The following BOD1L1 variants were observed in gnomAD, a reference collection of about 807,000 sequenced individuals.
The protein encoded by BOD1L1 is biorientation of chromosomes in cell division protein 1-like 1.
Under a neutral mutation model 240.7 loss-of-function variants are expected in BOD1L1, and 86 were observed. The ratio of observed to expected loss-of-function variants is 0.36; its 90% CI spans 0.30 to 0.43. The LOEUF (loss-of-function observed/expected upper bound fraction) is 0.43. Ranked by LOEUF, BOD1L1 falls within the 20% of genes least tolerant of loss-of-function variation. The pLI is 1.00. For synonymous variants in BOD1L1, 1,268 were observed against 1,272.3 expected (o/e 1.00, Z 0.07); for missense variants, 3,554 against 3,643.5 (o/e 0.98, Z 0.63).
At position 13,588,756 on chromosome 4, in the gene BOD1L1, A is replaced by G. The variant is rs140964488; in HGVS notation, c.8246T>C (p.Ile2749Thr). 1.3e-3 allele frequency: 2,066 copies of G among 1,605,530 alleles called. 11 individuals are homozygous for G. The highest frequency in any genetic ancestry group is 3.2e-3 in the South Asian group (282 of 89,298). ...SSGRKDNAEA[I>T]SGHSVEADPK... ...ATCTGCTTCAACACTGTGACCGCTT[A>G]TGGCTTCTGCGTTGTCTTTTCTACC... Residue 2749 changes from isoleucine (I) to threonine (T), a missense_variant, in exon 15 of 26, where the codon ATA (isoleucine) becomes ACA (threonine). By Grantham distance (89) the Ile-to-Thr change is moderately conservative. Around this residue, in one of 2 missense-constraint regions of BOD1L1, gnomAD observed 3,393 missense variants for 3,427.1 expected, o/e 0.99. Transcript: ENST00000040738.
chr4:13,593,496 G>A (rs1376990430), intron 12 of BOD1L1: 1 of 152,016 alleles, frequency 6.6e-6, no homozygotes. Context: ...ACTGAAGGTG[G>A]TTACTCATAG....
chr4:13,603,964 G>A lies in BOD1L1; in HGVS notation c.2936C>T (p.Ser979Phe), dbSNP rs1577356013. 2.5e-6 allele frequency: 4 copies of A among 1,613,806 alleles called. No homozygotes were observed. Among genetic ancestry groups the A allele is most frequent in the African/African-American group, 1.3e-5 (1 of 74,920 alleles). The change falls in exon 10 of 26, where the codon TCT becomes TTT. Residue 979 changes from serine (S) to phenylalanine (F), a missense_variant. Ser to Phe is a radical substitution (Grantham distance 155, BLOSUM62 -2). Coordinates refer to ENST00000040738, the MANE Select transcript of BOD1L1 (RefSeq NM_148894.3). ...ATCCTTCTGTGTACTATGTGCTGAA[G>A]AAGAAGCAGTCTCTAATACAGGTTC... Reference protein sequence around the residue: ...GVEPVLETASSSAHSTQKDSS... With the variant: ...GVEPVLETASFSAHSTQKDSS...
At chr4:13,586,355 AC>A in intron 17 of BOD1L1, 40 bp downstream of exon 17, 1 of 1,359,796 alleles carries the variant, frequency 7.4e-7, no homozygotes, top group Non-Finnish European at 1.0e-6. Context: ...AGGCCTCCCT[AC>A]CCCCACCCAA....
chr4:13,579,748 G>T (rs1158577204), intron 22 of BOD1L1, among the ~76,000 whole-genome samples, 180 bp downstream of exon 22: 1 of 152,054 alleles, frequency 6.6e-6, no homozygotes, highest in Non-Finnish European at 1.5e-5. Context: ...TTCAATTCTT[G>T]AGTCCTGGGC....
At chr4:13,616,108 C>T (rs35407495) in intron 2 of BOD1L1, among the ~76,000 whole-genome samples, 19,189 of 152,214 alleles carry the variant, frequency 0.13, 1,527 homozygotes, top group Non-Finnish European at 0.18. Context: ...TCAACAATTA[C>T]GTTATAAGTG....
intron 12 of BOD1L1, among the ~76,000 whole-genome samples, chr4:13,593,828 C>CTTTCCCA (rs1714406070): frequency 6.6e-6 from 1 of 152,204 alleles, no homozygotes; most frequent in African/African-American, 2.4e-5. Context: ...CCTCCTGGCA[C>CTTTCCCA]CTTTCCCAAG....
chr4:13,614,874 A>G (rs1716463402), intron 3 of BOD1L1, 64 bp from the exon 4 acceptor site: 5 of 1,443,494 alleles, frequency 3.5e-6, no homozygotes, highest in Non-Finnish European at 3.7e-6. Flanking sequence ...TGCTAAATCA[A>G]TACCACATGC....
At chr4:13,570,231 AG>A (rs1204682836) in intron 25 of BOD1L1, 103 bp from the exon 26 acceptor site, 1 of 791,406 alleles carries the variant, frequency 1.3e-6, no homozygotes, top group Non-Finnish European at 1.9e-6. Flanking sequence ...TTGACAGCTA[AG>A]AAGAGAAAAA....
chr4:13,600,710 C>T lies in BOD1L1; in HGVS notation c.6190G>A (p.Gly2064Ser). 6.2e-7 allele frequency: 1 copy of T among 1,613,824 alleles called. No homozygotes were observed. Among genetic ancestry groups the T allele is most frequent in the Non-Finnish European group, 8.5e-7 (1 of 1,179,866 alleles). The part of the protein sequence containing the change: ...DITNQNSLAG[G>S]KNQGKVLIIS... ...ATCAAAACTTTGCCTTGATTTTTACCCCCTGCTAAGCTATTCTGGTTGGTA... is the reference window on the plus strand; with the variant it reads ...ATCAAAACTTTGCCTTGATTTTTACTCCCTGCTAAGCTATTCTGGTTGGTA... The change falls in exon 10 of 26, where the codon GGT becomes AGT. Residue 2064 changes from glycine to serine, a missense_variant. By Grantham distance (56) the Gly-to-Ser change is moderately conservative. Transcript: ENST00000040738.
intron 9 of BOD1L1, among the ~76,000 whole-genome samples, chr4:13,606,512 AAAT>A (rs1715713290): frequency 6.6e-6 from 1 of 152,208 alleles, no homozygotes; most frequent in African/African-American, 2.4e-5. Context: ...TGTCCCACGA[AAAT>A]AATCCTGAAA....
In BOD1L1 at chr4:13,584,363, TGAGA is replaced by T. The variant is rs534622727; in HGVS notation, c.8434-1631_8434-1628del. Among the ~76,000 whole-genome samples the T allele has an allele frequency of 7.2e-3, 1,087 of 151,034 alleles. 13 individuals are homozygous for T. The highest frequency in any genetic ancestry group is 0.032 in the East Asian group (162 of 5,120). On this transcript the variant is annotated intron_variant, in intron 17 of 25. Coordinates refer to ENST00000040738, the MANE Select transcript of BOD1L1 (RefSeq NM_148894.3). ...CAAGTGCTCTGTGTGTGTGTGTGTG[TGAGA>T]GAGAGAGACAGAGTGTGTGAGATGG...
intron 7 of BOD1L1, 45 bp downstream of exon 7, chr4:13,609,250 G>A: frequency 8.9e-7 from 1 of 1,127,682 alleles, no homozygotes; most frequent in Non-Finnish European, 1.2e-6. Flanking sequence ...AGAAAATAAT[G>A]AAATATATGA....
intron 2 of BOD1L1, among the ~76,000 whole-genome samples, chr4:13,617,688 G>C (rs1716720733): frequency 6.6e-6 from 1 of 152,194 alleles, no homozygotes; most frequent in Admixed American, 6.5e-5. Context: ...TGAGTCAGCA[G>C]ATCAGCTATT....
At chr4:13,617,368 CAAACA>C (rs1251773065) in intron 2 of BOD1L1, among the ~76,000 whole-genome samples, 1 of 151,982 alleles carries the variant, frequency 6.6e-6, no homozygotes, top group African/African-American at 2.4e-5. Context: ...GTTTTGCAAA[CAAACA>C]AAACACTTCT....
chr4:13,627,465 CG>C lies in BOD1L1; in HGVS notation c.122del (p.Ala41GlyfsTer16). 9.3e-7 allele frequency: 1 copy of C among 1,077,556 alleles called. No individual in the cohort carries two copies. The highest frequency in any genetic ancestry group is 3.4e-5 in the South Asian group (1 of 29,082). 66.7% of individuals were successfully genotyped at this position (1,077,556 alleles called of 1,614,324 possible). A position where few individuals can be genotyped will look rare whatever the true frequency, so the allele number is the denominator to read the frequency against. On this transcript the variant is annotated frameshift_variant, in exon 1 of 26. Coordinates refer to ENST00000040738, the MANE Select transcript of BOD1L1 (RefSeq NM_148894.3). LOFTEE classifies it high-confidence loss of function. ...CCCCGGCGCCCGCACCCGCGCCGCC[CG>C]CCCCGCCCGCGCCGGGGCCAGCCCC... Reference protein sequence around the residue: ...GPGAGPGAGGAGGAGAGAGDP... With the variant: ...GPGAGPGAGGXGGAGAGAGDP...
chr4:13,607,149 C>T lies in BOD1L1; in HGVS notation c.1783G>A (p.Glu595Lys). 1.3e-6 allele frequency: 2 copies of T among 1,574,446 alleles called. No individual in the cohort carries two copies. Among genetic ancestry groups the T allele is most frequent in the Non-Finnish European group, 1.7e-6 (2 of 1,160,238 alleles). ...GTTTTAAGGGTTTCTTTGGAATCTT[C>T]TTCATATTGCTGTTTCTTTTTGGAG... The part of the protein sequence containing the change: ...ENSKKKQQYE[E>K]DSKETLKTSE... The change falls in exon 9 of 26, where the codon GAA (glutamate) becomes AAA (lysine). Residue 595 changes from glutamate to lysine, a missense_variant. Glu to Lys is a moderately conservative substitution (Grantham distance 56). Transcript: ENST00000040738.
intron 14 of BOD1L1, 72 bp downstream of exon 14, chr4:13,590,314 T>A (rs925999779): frequency 1.3e-6 from 1 of 744,156 alleles, no homozygotes; most frequent in Non-Finnish European, 2.1e-6. Context: ...ACACAAGGCC[T>A]GGTATACAGA....
intron 13 of BOD1L1, 78 bp downstream of exon 13, chr4:13,591,845 C>A: frequency 8.9e-7 from 1 of 1,129,492 alleles, no homozygotes; most frequent in Non-Finnish European, 1.3e-6. Context: ...TCAGATGGCT[C>A]CTCCTCAATA....
intron 12 of BOD1L1, among the ~76,000 whole-genome samples, chr4:13,594,338 A>T (rs1714442993): frequency 6.6e-6 from 1 of 152,192 alleles, no homozygotes; most frequent in Non-Finnish European, 1.5e-5. Context: ...TTAGAAAAAA[A>T]TATTGTGGGA....
Sources: gnomAD v4.1 joint callset for allele counts (sites outside exome capture counted in the v4.1 genomes callset) on GRCh38, gnomAD v4.1.1 for gene constraint, gnomAD v4.1.1 regional missense constraint, MANE v1.5 for transcripts, NCBI Gene and HGNC (gene_info 2026-07-23, HGNC 2026-07-21) for gene names.